The following UST variants were observed in gnomAD, a reference collection of about 807,000 sequenced individuals.
UST encodes uronyl 2-sulfotransferase, also known as chondroitin sulfate 2-O-sulfotransferase.
Under a neutral mutation model 45.6 loss-of-function variants are expected in UST, and 21 were observed. That is an observed-to-expected ratio of 0.46 (90% CI 0.33 to 0.66). UST has a LOEUF of 0.66. UST is among the 30% of genes least tolerant of loss of function. UST has a pLI of 0.02. For missense variants in UST, 463 were observed against 512.4 expected (o/e 0.90, Z 0.93); for synonymous variants, 215 against 200.6 (o/e 1.07, Z -0.61).
intron 1 of UST, among the ~76,000 whole-genome samples, chr6:148,822,666 T>C (rs774631172): frequency 6.6e-6 from 1 of 152,152 alleles, no homozygotes; most frequent in African/African-American, 2.4e-5. Flanking sequence ...GGAATATGAG[T>C]AATTTGCCAT....
At chr6:148,943,445 G>A (rs1780171099) in intron 3 of UST, among the ~76,000 whole-genome samples, 1 of 152,174 alleles carries the variant, frequency 6.6e-6, no homozygotes, top group South Asian at 2.1e-4. Context: ...TTTCCTATGA[G>A]GAGCAAACAT....
At chr6:148,789,171 A>G (rs763685564) in intron 1 of UST, among the ~76,000 whole-genome samples, 2 of 152,138 alleles carry the variant, frequency 1.3e-5, no homozygotes, top group Non-Finnish European at 2.9e-5. Flanking sequence ...TATTGTTTCC[A>G]TATTTCTTTT....
intron 5 of UST, among the ~76,000 whole-genome samples, chr6:148,970,386 G>C (rs148051335): frequency 6.6e-6 from 1 of 152,172 alleles, no homozygotes; most frequent in Non-Finnish European, 1.5e-5. Flanking sequence ...CTCTCCTGGC[G>C]TAGGTATGAG....
At chr6:148,763,280 A>G (rs1292247637) in intron 1 of UST, among the ~76,000 whole-genome samples, 1 of 151,970 alleles carries the variant, frequency 6.6e-6, no homozygotes, top group East Asian at 1.9e-4. Context: ...TCTCCTTTGT[A>G]TTTTTGTGGG....
intron 2 of UST, among the ~76,000 whole-genome samples, chr6:148,912,144 C>T (rs1779488152): frequency 6.6e-6 from 1 of 152,194 alleles, no homozygotes; most frequent in African/African-American, 2.4e-5. Flanking sequence ...TTGCAGTGAG[C>T]CGAGATCATG....
intron 1 of UST, among the ~76,000 whole-genome samples, chr6:148,794,327 G>A (rs1776908074): frequency 6.6e-6 from 1 of 152,160 alleles, no homozygotes; most frequent in South Asian, 2.1e-4. Flanking sequence ...TCTTGTGATT[G>A]AAGAGCAGGT....
At chr6:149,046,755 A>G (rs1436152869) in intron 7 of UST, among the ~76,000 whole-genome samples, 2 of 152,234 alleles carry the variant, frequency 1.3e-5, no homozygotes, top group Admixed American at 6.5e-5. Flanking sequence ...CGTCTGCAAT[A>G]GGGCAGGGTT....
intron 1 of UST, among the ~76,000 whole-genome samples, chr6:148,776,859 C>T (rs1041870689): frequency 6.6e-6 from 1 of 152,136 alleles, no homozygotes; most frequent in East Asian, 1.9e-4. Flanking sequence ...GGGTGGGACC[C>T]GCTGTCCTGC....
chr6:148,895,784 T>C (rs1443529131), intron 2 of UST, among the ~76,000 whole-genome samples: 11 of 152,368 alleles, frequency 7.2e-5, no homozygotes, highest in Middle Eastern at 6.8e-3. Context: ...TCCTTAGCCA[T>C]GTGGAACTGT....
chr6:149,019,016 T>C, intron 5 of UST, 123 bp from the exon 6 acceptor site: 1 of 796,422 alleles, frequency 1.3e-6, no homozygotes, highest in Non-Finnish European at 2.1e-6. Context: ...AATCTGTGAA[T>C]TCTCTTCATC....
chr6:148,805,155 T>C (rs2114722649), intron 1 of UST, among the ~76,000 whole-genome samples: 1 of 152,340 alleles, frequency 6.6e-6, no homozygotes, highest in East Asian at 1.9e-4. Flanking sequence ...GCTTCACATT[T>C]TTCTTCCCAT....
At chr6:148,907,247 A>G (rs1779381343) in intron 2 of UST, among the ~76,000 whole-genome samples, 1 of 152,240 alleles carries the variant, frequency 6.6e-6, no homozygotes, top group Non-Finnish European at 1.5e-5. Flanking sequence ...AATCAAAAGC[A>G]GTTGTTTATT....
intron 1 of UST, among the ~76,000 whole-genome samples, chr6:148,825,200 G>A (rs1308674278): frequency 6.6e-6 from 1 of 152,160 alleles, no homozygotes; most frequent in African/African-American, 2.4e-5. Context: ...CCAAAAGTGG[G>A]AGGGATGTGG....
At chr6:148,775,573 C>A (rs1400728852) in intron 1 of UST, among the ~76,000 whole-genome samples, 1 of 152,074 alleles carries the variant, frequency 6.6e-6, no homozygotes, top group African/African-American at 2.4e-5. Context: ...TACACACATA[C>A]ATCCCTGAAA....
At chr6:148,797,461 T>C (rs530218040) in intron 1 of UST, among the ~76,000 whole-genome samples, 2 of 152,302 alleles carry the variant, frequency 1.3e-5, no homozygotes, top group East Asian at 1.9e-4. Flanking sequence ...ATTCCTAATA[T>C]GTTATTGATT....
chr6:149,062,299 A>G (rs1776665892), intron 7 of UST, among the ~76,000 whole-genome samples: 1 of 152,238 alleles, frequency 6.6e-6, no homozygotes, highest in African/African-American at 2.4e-5. Flanking sequence ...AAGTTTGCTC[A>G]GGAAGGACCC....
chr6:148,922,465 A>G (rs548622029), intron 2 of UST, among the ~76,000 whole-genome samples: 3 of 149,326 alleles, frequency 2.0e-5, no homozygotes, highest in Non-Finnish European at 4.4e-5. Context: ...ACTATTCCTT[A>G]TTTGCATAGA....
chr6:148,829,438 G>A (rs912108467), intron 1 of UST, among the ~76,000 whole-genome samples: 1 of 152,154 alleles, frequency 6.6e-6, no homozygotes, highest in Non-Finnish European at 1.5e-5. Context: ...ATTGTGAAGC[G>A]GGCAGAGCAC....
chr6:148,978,925 C>G (rs1448906260), intron 5 of UST, among the ~76,000 whole-genome samples: 1 of 152,144 alleles, frequency 6.6e-6, no homozygotes, highest in Non-Finnish European at 1.5e-5. Flanking sequence ...TCGCTCATTT[C>G]TACTTTTATT....
Sources: gnomAD v4.1 joint callset for allele counts (sites outside exome capture counted in the v4.1 genomes callset) on GRCh38, gnomAD v4.1.1 for gene constraint, MANE v1.5 for transcripts, NCBI Gene and HGNC (gene_info 2026-07-23, HGNC 2026-07-21) for gene names.